Variants in MEMO1 observed in about 807,000 individuals in gnomAD.
MEMO1 encodes the protein mediator of cell motility 1, also known as protein MEMO1.
Under a neutral mutation model 45.2 loss-of-function variants are expected in MEMO1, and 6 were observed. The ratio of observed to expected loss-of-function variants is 0.13; its 90% CI spans 0.07 to 0.26. The LOEUF is 0.26. Ranked by LOEUF, MEMO1 falls within the 10% of genes least tolerant of loss-of-function variation. The probability of loss-of-function intolerance (pLI) is 1.00; values close to 1 mark genes in which losing one functional copy is unlikely to be tolerated. For missense variants in MEMO1, 184 were observed against 370.5 expected, an observed-to-expected ratio of 0.50 and a Z score of 4.13; for synonymous variants, 78 against 124.3, an observed-to-expected ratio of 0.63 and a Z score of 2.48.
At chr2:31,981,902 TTAATG>T (rs1298255471) in intron 2 of MEMO1, among the ~76,000 whole-genome samples, 2 of 152,126 alleles carry the variant, frequency 1.3e-5, no homozygotes, top group African/African-American at 2.4e-5. Flanking sequence ...ATAATGAACT[TTAATG>T]TATGCAAGTT....
intron 2 of MEMO1, among the ~76,000 whole-genome samples, chr2:31,958,633 GTGTTTTGTTT>G (rs754785729): frequency 3.9e-5 from 6 of 151,924 alleles, no homozygotes; most frequent in South Asian, 2.1e-4. Flanking sequence ...ACTGTGTGTG[GTGTTTTGTTT>G]TGTTTTGTTT....
chr2:31,942,163 G>A (rs538141615), intron 3 of MEMO1, among the ~76,000 whole-genome samples: 180 of 152,150 alleles, frequency 1.2e-3, no homozygotes, highest in African/African-American at 4.2e-3. Flanking sequence ...CATTAACTGT[G>A]TATGTGCTAG....
At chr2:31,922,721 T>C (rs1445795997) in intron 4 of MEMO1, among the ~76,000 whole-genome samples, 1 of 152,094 alleles carries the variant, frequency 6.6e-6, no homozygotes, top group Non-Finnish European at 1.5e-5. Flanking sequence ...TGTGAGAACA[T>C]GCAGTATTTG....
At chr2:31,904,174 C>A (rs544087435) in intron 6 of MEMO1, among the ~76,000 whole-genome samples, 1 of 152,320 alleles carries the variant, frequency 6.6e-6, no homozygotes, top group African/African-American at 2.4e-5. Context: ...ATGCTACAAT[C>A]TTTAGAAGGG....
chr2:32,003,867 CA>C (rs1673712879), intron 2 of MEMO1, among the ~76,000 whole-genome samples: 1 of 152,142 alleles, frequency 6.6e-6, no homozygotes, highest in Non-Finnish European at 1.5e-5. Context: ...GCCTGGGCAA[CA>C]AAGTGAGACA....
chr2:31,890,695 C>T (rs1676842464), intron 7 of MEMO1, among the ~76,000 whole-genome samples: 1 of 152,106 alleles, frequency 6.6e-6, no homozygotes, highest in African/African-American at 2.4e-5. Flanking sequence ...TCTGGGTTTC[C>T]CAACCTCAGC....
chr2:31,971,520 G>A (rs1000790683), intron 2 of MEMO1, among the ~76,000 whole-genome samples: 24 of 151,944 alleles, frequency 1.6e-4, no homozygotes, highest in African/African-American at 5.1e-4. Context: ...ATGAGTCCCC[G>A]TGCCCAGCCT....
chr2:31,943,424 T>C (rs371062102), intron 2 of MEMO1, 41 bp from the exon 3 acceptor site: 3 of 1,409,496 alleles, frequency 2.1e-6, no homozygotes, highest in Non-Finnish European at 3.0e-6. Context: ...AGCAAAGCAA[T>C]GTACTACAGA....
Position 31,930,906 on chromosome 2 carries a change from G to A in MEMO1, c.212+1161C>T, listed in dbSNP as rs549004391. Among the ~76,000 whole-genome samples the A allele has an allele frequency of 5.4e-3, 805 of 149,214 alleles. 2 individuals carry two copies. Among genetic ancestry groups the A allele is most frequent in the Non-Finnish European group, 6.6e-3 (445 of 67,568 alleles). On this transcript the variant is annotated intron_variant, in intron 4 of 9. Coordinates refer to ENST00000404530, the MANE Select transcript of MEMO1 (RefSeq NM_001301833.4). ...ACTCCTGACCTCAGGTAATCGGCCC[G>A]CCTCAGCCTCCCAAAGTGCTGGGAT... is the stretch of plus-strand genomic sequence containing the variant.
chr2:32,010,155 G>T (rs758077757), intron 2 of MEMO1, 32 bp downstream of exon 2: 3 of 1,232,072 alleles, frequency 2.4e-6, no homozygotes, highest in Admixed American at 5.9e-5. Flanking sequence ...GGCGGCGACG[G>T]CGGCGGGCGG....
At chr2:31,884,286 C>CT (rs1365581562) in intron 7 of MEMO1, among the ~76,000 whole-genome samples, 1 of 152,152 alleles carries the variant, frequency 6.6e-6, no homozygotes, top group East Asian at 1.9e-4. Context: ...TATTACTCAA[C>CT]TGACTGCAAC....
intron 8 of MEMO1, among the ~76,000 whole-genome samples, chr2:31,880,646 G>C (rs1675224658): frequency 6.6e-6 from 1 of 152,116 alleles, no homozygotes; most frequent in South Asian, 2.1e-4. Context: ...AGACAATTTA[G>C]AGACCATTTA....
At chr2:31,957,295 A>C (rs1237489531) in intron 2 of MEMO1, among the ~76,000 whole-genome samples, 1 of 152,232 alleles carries the variant, frequency 6.6e-6, no homozygotes, top group Non-Finnish European at 1.5e-5. Flanking sequence ...GTAATAAAAA[A>C]TATGGTGCAA....
intron 2 of MEMO1, among the ~76,000 whole-genome samples, chr2:31,996,686 A>G (rs1426602153): frequency 6.6e-6 from 1 of 152,178 alleles, no homozygotes; most frequent in Non-Finnish European, 1.5e-5. Flanking sequence ...AATCCAACTT[A>G]ATCTAATTAA....
intron 2 of MEMO1, among the ~76,000 whole-genome samples, chr2:31,959,513 G>C (rs894614995): frequency 5.4e-5 from 8 of 147,678 alleles, no homozygotes; most frequent in African/African-American, 1.8e-4. Context: ...AAAAAAAAAA[G>C]CCAATCAATT....
intron 5 of MEMO1, 100 bp from the exon 6 acceptor site, chr2:31,918,137 G>C (rs1381927689): frequency 3.2e-6 from 2 of 630,298 alleles, no homozygotes; most frequent in Non-Finnish European, 4.9e-6. Flanking sequence ...TTTTTGGCAA[G>C]AGACAGAAAC....
chr2:31,978,619 G>A (rs1488846496), intron 2 of MEMO1, among the ~76,000 whole-genome samples: 2 of 152,136 alleles, frequency 1.3e-5, no homozygotes, highest in Admixed American at 1.3e-4. Context: ...ATTTGGTAGA[G>A]ATGGGGTCTT....
intron 5 of MEMO1, among the ~76,000 whole-genome samples, chr2:31,918,985 T>A (rs1274161526): frequency 6.6e-6 from 1 of 152,112 alleles, no homozygotes; most frequent in East Asian, 1.9e-4. Flanking sequence ...AGGTTAGAAA[T>A]ACTCATTTCA....
At chr2:31,904,944 A>G (rs1031873404) in intron 6 of MEMO1, among the ~76,000 whole-genome samples, 2 of 152,206 alleles carry the variant, frequency 1.3e-5, no homozygotes, top group Non-Finnish European at 2.9e-5. Flanking sequence ...ACAGAGATCC[A>G]GAAAACAGGC....
Sources: gnomAD v4.1 joint callset for allele counts (sites outside exome capture counted in the v4.1 genomes callset) on GRCh38, gnomAD v4.1.1 for gene constraint, MANE v1.5 for transcripts, NCBI Gene and HGNC (gene_info 2026-07-23, HGNC 2026-07-21) for gene names.